Variants in OSBPL1A observed in about 807,000 individuals in gnomAD.
OSBPL1A encodes oxysterol-binding protein-related protein 1.
A neutral mutation model predicts 137.1 loss-of-function variants in OSBPL1A; 80 were observed. The observed-to-expected ratio is 0.58, with a 90% CI of 0.49 to 0.70. The LOEUF (loss-of-function observed/expected upper bound fraction) is 0.70, where lower values mean the gene tolerates loss of function less well. Among genes scored for constraint, OSBPL1A ranks in the 30% least tolerant of loss-of-function variants. The probability of loss-of-function intolerance (pLI) is 0.00; values close to 1 mark genes in which losing one functional copy is unlikely to be tolerated. For synonymous variants in OSBPL1A, 365 were observed against 389.7 expected (o/e 0.94, Z 0.75); for missense variants, 970 against 1,129.4 (o/e 0.86, Z 2.02).
chr18:24,314,891 A>T (rs917901003), intron 11 of OSBPL1A, among the ~76,000 whole-genome samples: 6 of 152,202 alleles, frequency 3.9e-5, no homozygotes, highest in Admixed American at 3.9e-4. Flanking sequence ...CTTGGCGATG[A>T]CCTTGAGCAG....
rs987727168 is a variant in OSBPL1A at position 24,172,552 on chromosome 18, C to G, written c.2094-69G>C. The G allele has an allele frequency of 3.4e-5, 37 of 1,101,100 alleles. No homozygotes were observed. The African/African-American group carries it at 5.1e-4, about 15-fold the overall frequency. 68.2% of individuals were successfully genotyped at this position (1,101,100 alleles called of 1,614,324 possible). A position where few individuals can be genotyped will look rare whatever the true frequency, so the allele number is the denominator to read the frequency against. ...ACTTTGTTTAAAAAGTACACTTGTT[C>G]CAAATGCCATTACTCAGAATAACAA... On this transcript the variant is annotated intron_variant, in intron 21 of 27. Transcript: ENST00000319481.
chr18:24,307,057 G>A (rs1162477501), intron 13 of OSBPL1A, among the ~76,000 whole-genome samples: 3 of 144,428 alleles, frequency 2.1e-5, no homozygotes, highest in Non-Finnish European at 4.5e-5. Context: ...AGCATTTCGA[G>A]ACCTTCCTTG....
intron 4 of OSBPL1A, among the ~76,000 whole-genome samples, chr18:24,352,369 A>T (rs1326217275): frequency 6.6e-6 from 1 of 152,222 alleles, no homozygotes; most frequent in Non-Finnish European, 1.5e-5. Context: ...TCCAGAGATA[A>T]GCCAACAGAA....
intron 6 of OSBPL1A, 57 bp from the exon 7 acceptor site, chr18:24,333,143 A>G: frequency 6.4e-7 from 1 of 1,568,986 alleles, no homozygotes; most frequent in East Asian, 2.3e-5. Context: ...CTTTCCTCTC[A>G]TAATTCACAG....
At chr18:24,326,215 T>TG (rs976454776) in intron 7 of OSBPL1A, among the ~76,000 whole-genome samples, 1 of 152,230 alleles carries the variant, frequency 6.6e-6, no homozygotes, top group Non-Finnish European at 1.5e-5. Context: ...ACTGTGCTTC[T>TG]GGGGACAATG....
At chr18:24,255,720 A>G (rs1377867085) in intron 15 of OSBPL1A, among the ~76,000 whole-genome samples, 4 of 151,766 alleles carry the variant, frequency 2.6e-5, no homozygotes, top group African/African-American at 9.7e-5. Flanking sequence ...GAACTTCCTG[A>G]GGCACATCCT....
chr18:24,228,418 G>C (rs2088160901), intron 16 of OSBPL1A, among the ~76,000 whole-genome samples: 2 of 151,856 alleles, frequency 1.3e-5, no homozygotes, highest in African/African-American at 4.8e-5. Flanking sequence ...CTTCCACATT[G>C]CAAAGTACAA....
At chr18:24,272,342 C>T in intron 15 of OSBPL1A, 10 of 946,716 alleles carry the variant, frequency 1.1e-5, no homozygotes, top group Non-Finnish European at 1.3e-5. Context: ...TCACTTACTC[C>T]GGCTCACGCT....
At chr18:24,283,308 A>G (rs2090002072) in intron 14 of OSBPL1A, among the ~76,000 whole-genome samples, 1 of 116,934 alleles carries the variant, frequency 8.6e-6, no homozygotes, top group Non-Finnish European at 2.0e-5. Context: ...ATATATGTAT[A>G]TATATACACA....
At chr18:24,281,390 T>C (rs1012106499) in intron 14 of OSBPL1A, among the ~76,000 whole-genome samples, 1 of 150,494 alleles carries the variant, frequency 6.6e-6, no homozygotes, top group Non-Finnish European at 1.5e-5. Context: ...GGCTTTTTTT[T>C]TTTATTTTTT....
intron 5 of OSBPL1A, among the ~76,000 whole-genome samples, chr18:24,336,974 G>A (rs1378298612): frequency 6.6e-6 from 1 of 152,054 alleles, no homozygotes; most frequent in Non-Finnish European, 1.5e-5. Context: ...TAATTACAAA[G>A]GGAAAAGATG....
intron 4 of OSBPL1A, among the ~76,000 whole-genome samples, chr18:24,355,787 C>G (rs1019468412): frequency 6.6e-6 from 1 of 151,982 alleles, no homozygotes; most frequent in Non-Finnish European, 1.5e-5. Context: ...GAGTTCAAGA[C>G]CAGCCTGGCC....
Position 24,178,206 on chromosome 18 carries a change from A to T in OSBPL1A, c.1911-11T>A, listed in dbSNP as rs753962617. On this transcript the variant is annotated splice_polypyrimidine_tract_variant and intron_variant, in intron 20 of 27. Coordinates refer to ENST00000319481, the MANE Select transcript of OSBPL1A (RefSeq NM_080597.4). ...AATCCAAGGTCATCTCTTAAGATTTAAAAAAAAAAAAAAAGAAAAAAAAAA... is the reference window on the plus strand; with the variant it reads ...AATCCAAGGTCATCTCTTAAGATTTTAAAAAAAAAAAAAAGAAAAAAAAAA... 3.4e-4 allele frequency: 94 copies of T among 272,720 alleles called. No individual in the cohort carries two copies. Among genetic ancestry groups the T allele is most frequent in the East Asian group, 8.5e-4 (7 of 8,216 alleles). 16.9% of individuals were successfully genotyped at this position (272,720 alleles called of 1,614,324 possible).
intron 18 of OSBPL1A, among the ~76,000 whole-genome samples, chr18:24,191,081 T>G (rs1567933296): frequency 6.6e-6 from 1 of 152,190 alleles, no homozygotes; most frequent in Non-Finnish European, 1.5e-5. Context: ...TACAACTGAG[T>G]GATAAAAACA....
At chr18:24,201,959 G>A (rs2087234585) in intron 17 of OSBPL1A, among the ~76,000 whole-genome samples, 1 of 152,088 alleles carries the variant, frequency 6.6e-6, no homozygotes, top group African/African-American at 2.4e-5. Context: ...ATAACACAAA[G>A]GTAGGCAAAA....
intron 17 of OSBPL1A, among the ~76,000 whole-genome samples, chr18:24,199,691 T>C (rs1265589068): frequency 6.6e-6 from 1 of 152,242 alleles, no homozygotes; most frequent in Non-Finnish European, 1.5e-5. Context: ...AGAGAAGGAC[T>C]ATTACTGCAG....
At chr18:24,299,604 ATAAGGTT>A (rs953226903) in intron 14 of OSBPL1A, among the ~76,000 whole-genome samples, 7 of 152,194 alleles carry the variant, frequency 4.6e-5, no homozygotes, top group African/African-American at 1.7e-4. Context: ...CTTCCAGCTT[ATAAGGTT>A]TCTGCTAAGA....
intron 17 of OSBPL1A, among the ~76,000 whole-genome samples, chr18:24,210,625 C>A (rs1056732631): frequency 7.9e-5 from 12 of 151,656 alleles, no homozygotes; most frequent in Admixed American, 7.9e-4. Flanking sequence ...GCCTTGACCT[C>A]CCAGGCTCAG....
At chr18:24,164,679 C>T (rs113022180) in intron 27 of OSBPL1A, among the ~76,000 whole-genome samples, 3,675 of 152,006 alleles carry the variant, frequency 0.024, 115 homozygotes, top group African/African-American at 0.075. Context: ...CCGCCCGCCT[C>T]GGCCTCCCAA....
Sources: allele counts gnomAD v4.1 joint callset (sites outside exome capture counted in the v4.1 genomes callset), GRCh38; gene constraint gnomAD v4.1.1; transcripts MANE v1.5; gene names NCBI Gene and HGNC (gene_info 2026-07-23, HGNC 2026-07-21).